Variants in BMPR1A observed in about 807,000 individuals in gnomAD.
The protein encoded by BMPR1A is bone morphogenetic protein receptor type 1A, also known as bone morphogenetic protein receptor type-1A.
In BMPR1A, 7 loss-of-function variants were observed where a neutral mutation model predicts 66.0. The ratio of observed to expected loss-of-function variants is 0.11; its 90% CI spans 0.06 to 0.20. BMPR1A has a LOEUF of 0.20. Ranked by LOEUF, BMPR1A falls within the 10% of genes least tolerant of loss-of-function variation. The pLI is 1.00. For missense variants in BMPR1A, 408 were observed against 669.1 expected (o/e 0.61, Z 4.31); for synonymous variants, 200 against 229.7 (o/e 0.87, Z 1.17).
intron 3 of BMPR1A, among the ~76,000 whole-genome samples, chr10:86,889,214 C>G (rs1208052449): frequency 6.6e-6 from 1 of 152,184 alleles, no homozygotes; most frequent in Non-Finnish European, 1.5e-5. Context: ...CTGCTAGACT[C>G]TAGTGTAAGA....
At position 86,784,845 on chromosome 10, in the gene BMPR1A, T is replaced by G. The variant is rs569389176; in HGVS notation, c.-268+27926T>G. ...CTTTTCATTTCTGTGGCATTTGTTGTAATGTCCCCTCTTTCATTTCTGATT... is the reference window on the plus strand; with the variant it reads ...CTTTTCATTTCTGTGGCATTTGTTGGAATGTCCCCTCTTTCATTTCTGATT... On this transcript the variant is annotated intron_variant, in intron 1 of 12. Transcript: ENST00000372037. Among the ~76,000 whole-genome samples the G allele has an allele frequency of 3.3e-5, 5 of 152,294 alleles. No individual in the cohort carries two copies. The South Asian group carries it at 1.0e-3, about 32-fold the overall frequency.
intron 2 of BMPR1A, among the ~76,000 whole-genome samples, chr10:86,866,399 CTTTTTTTTT>C (rs1048293127): frequency 1.3e-4 from 9 of 69,470 alleles, no homozygotes; most frequent in East Asian, 1.3e-3. Flanking sequence ...AAGTTTCTTT[CTTTTTTTTT>C]TTTTTTTTTT....
chr10:86,854,801 A>T, intron 2 of BMPR1A: 1 of 250,474 alleles, frequency 4.0e-6, no homozygotes. Context: ...CCAAGTTCTC[A>T]TCAGTGGTTT....
At chr10:86,831,750 C>T (rs1365899921) in intron 1 of BMPR1A, among the ~76,000 whole-genome samples, 1 of 152,166 alleles carries the variant, frequency 6.6e-6, no homozygotes, top group Non-Finnish European at 1.5e-5. Context: ...GGTGACAGAG[C>T]AAGACCCTGT....
chr10:86,794,881 C>T (rs1349281921), intron 1 of BMPR1A, among the ~76,000 whole-genome samples: 2 of 149,112 alleles, frequency 1.3e-5, no homozygotes, highest in African/African-American at 4.9e-5. Context: ...TAGAGAGTTT[C>T]GCTCTTGTTT....
chr10:86,790,260 T>C (rs1841596408), intron 1 of BMPR1A, among the ~76,000 whole-genome samples: 1 of 130,394 alleles, frequency 7.7e-6, no homozygotes, highest in Admixed American at 8.5e-5. Flanking sequence ...AGATTCTGCT[T>C]CTTACCCACT....
At chr10:86,816,605 A>G (rs898258621) in intron 1 of BMPR1A, among the ~76,000 whole-genome samples, 1 of 152,218 alleles carries the variant, frequency 6.6e-6, no homozygotes. Context: ...ATTTCTGTCC[A>G]TGTCCTTTTT....
At chr10:86,868,095 A>T (rs1842807534) in intron 2 of BMPR1A, among the ~76,000 whole-genome samples, 1 of 152,174 alleles carries the variant, frequency 6.6e-6, no homozygotes, top group African/African-American at 2.4e-5. Flanking sequence ...TTAGGTCTTC[A>T]CTTAGTTGCA....
intron 1 of BMPR1A, among the ~76,000 whole-genome samples, chr10:86,799,450 TTTTC>T (rs1160908291): frequency 2.2e-4 from 33 of 147,064 alleles, no homozygotes; most frequent in African/African-American, 8.6e-4. Flanking sequence ...TAATTGTACA[TTTTC>T]TTTCTTCCTT....
chr10:86,908,111 G>A (rs2133513173), intron 7 of BMPR1A, among the ~76,000 whole-genome samples: 1 of 152,236 alleles, frequency 6.6e-6, no homozygotes, highest in African/African-American at 2.4e-5. Context: ...GGCTGAGGTG[G>A]GAGGATTGCT....
At position 86,789,280 on chromosome 10, in the gene BMPR1A, AAGT is replaced by A. The variant is rs536727435; in HGVS notation, c.-268+32364_-268+32366del. Among the ~76,000 whole-genome samples the A allele has an allele frequency of 4.0e-3, 616 of 152,362 alleles. 2 individuals carry two copies. Among genetic ancestry groups the A allele is most frequent in the Non-Finnish European group, 5.1e-3 (350 of 68,040 alleles). ...CAACAAAGCACAAGCAATCAGAAAA[AAGT>A]AGATAAATTAAACTTTATCAAAATT... On this transcript the variant is annotated intron_variant, in intron 1 of 12. Transcript: ENST00000372037.
chr10:86,783,126 ATTCT>A (rs1247227240), intron 1 of BMPR1A, among the ~76,000 whole-genome samples: 4 of 152,290 alleles, frequency 2.6e-5, no homozygotes, highest in South Asian at 4.1e-4. Context: ...TGAAGAGATT[ATTCT>A]TTCCCCATTG....
chr10:86,826,099 A>G lies in BMPR1A; in HGVS notation c.-267-12766A>G, dbSNP rs1280715819. On this transcript the variant is annotated intron_variant, in intron 1 of 12. Coordinates refer to ENST00000372037, the MANE Select transcript of BMPR1A (RefSeq NM_004329.3). ...TTTCTCTGTTTATAAAGACATATAT[A>G]CTTTTTTTATTCCCCTGAGCCATTT... Among the ~76,000 whole-genome samples, 6 of 151,514 alleles carry G rather than the reference A, an allele frequency of 4.0e-5. No individual in the cohort carries two copies. In the Admixed American group the frequency reaches 4.0e-4, roughly 10 times the overall value.
At chr10:86,855,641 G>A in intron 2 of BMPR1A, 1 of 673,748 alleles carries the variant, frequency 1.5e-6, no homozygotes, top group Non-Finnish European at 2.7e-6. Flanking sequence ...TTCACATGTG[G>A]CAGCTTTCTC....
intron 3 of BMPR1A, 77 bp from the exon 4 acceptor site, chr10:86,889,985 T>G: frequency 6.6e-7 from 1 of 1,524,376 alleles, no homozygotes; most frequent in Non-Finnish European, 9.1e-7. Flanking sequence ...CTTAACAACT[T>G]TTTCTCATTG....
At chr10:86,807,433 T>A (rs1182360102) in intron 1 of BMPR1A, among the ~76,000 whole-genome samples, 1 of 152,200 alleles carries the variant, frequency 6.6e-6, no homozygotes, top group Non-Finnish European at 1.5e-5. Context: ...CAGGCTGGAG[T>A]GCAGTGACAT....
intron 2 of BMPR1A, among the ~76,000 whole-genome samples, chr10:86,858,762 G>A (rs1005224509): frequency 1.3e-5 from 2 of 152,122 alleles, no homozygotes; most frequent in Non-Finnish European, 2.9e-5. Context: ...AAACACTGAT[G>A]AAGGAAATTG....
At chr10:86,799,540 TTTC>T (rs377032508) in intron 1 of BMPR1A, among the ~76,000 whole-genome samples, 5 of 151,580 alleles carry the variant, frequency 3.3e-5, no homozygotes, top group South Asian at 2.1e-4. Flanking sequence ...CTTTCTTTTC[TTTC>T]TTTCTTTTTT....
Position 86,822,608 on chromosome 10 carries a change from G to A in BMPR1A, c.-267-16257G>A, listed in dbSNP as rs1842135157. Among the ~76,000 whole-genome samples, 3 of 131,244 alleles carry A rather than the reference G, an allele frequency of 2.3e-5. No individual in the cohort carries two copies. In the South Asian group the frequency reaches 7.1e-4, roughly 31 times the overall value. The allele number at this position is 131,244 out of a possible 152,430, so 86.1% of individuals were successfully genotyped here. On this transcript the variant is annotated intron_variant, in intron 1 of 12. Coordinates refer to ENST00000372037, the MANE Select transcript of BMPR1A (RefSeq NM_004329.3). ...GGTTACTTAATCACTATGAGCTTCAGTTTTCTTTTTTTTTCCCGTTTTTAT... is the reference window on the plus strand; with the variant it reads ...GGTTACTTAATCACTATGAGCTTCAATTTTCTTTTTTTTTCCCGTTTTTAT...
Sources: allele counts gnomAD v4.1 joint callset (sites outside exome capture counted in the v4.1 genomes callset), GRCh38; gene constraint gnomAD v4.1.1; transcripts MANE v1.5; gene names NCBI Gene and HGNC (gene_info 2026-07-23, HGNC 2026-07-21).